The following NTRK1 variants were observed in gnomAD, a reference collection of about 807,000 sequenced individuals.
NTRK1 encodes high affinity nerve growth factor receptor.
Under a neutral mutation model 86.8 loss-of-function variants are expected in NTRK1, and 62 were observed. The ratio of observed to expected loss-of-function variants is 0.71; its 90% CI spans 0.58 to 0.88. NTRK1 has a LOEUF of 0.88. NTRK1 is among the 40% of genes least tolerant of loss of function. The pLI is 0.00. For missense variants in NTRK1, 967 were observed against 1,078.4 expected (o/e 0.90, Z 1.45); for synonymous variants, 469 against 456.6 (o/e 1.03, Z -0.35).
At position 156,853,831 on chromosome 1, in the gene NTRK1, A is replaced by C. The variant is rs747534614; in HGVS notation, c.51-10523A>C. The C allele has an allele frequency of 4.3e-6, 7 of 1,613,812 alleles. No homozygotes were observed. In the South Asian group the frequency reaches 7.7e-5, roughly 18 times the overall value. On this transcript the variant is annotated intron_variant, in intron 2 of 16. Transcript: ENST00000392302. ...TGGTCTTGGCACAGGGCTCACCAGC[A>C]GCACCCAGCACACCAGGGCACACGT...
intron 1 of NTRK1, chr1:156,837,856 C>T (rs565576294): frequency 6.6e-6 from 1 of 152,336 alleles, no homozygotes; most frequent in East Asian, 1.9e-4. Flanking sequence ...GGTTGGACAT[C>T]TAAGACCTGG....
chr1:156,867,111 T>C, intron 4 of NTRK1, 133 bp downstream of exon 4: 2 of 925,032 alleles, frequency 2.2e-6, no homozygotes, highest in Non-Finnish European at 3.5e-6. Context: ...ACTATGTGCA[T>C]GCCAGTGAAA....
chr1:156,819,121 A>G (rs887355984), intron 1 of NTRK1, among the ~76,000 whole-genome samples: 1 of 151,578 alleles, frequency 6.6e-6, no homozygotes, highest in Non-Finnish European at 1.5e-5. Flanking sequence ...TCCTGCCTCA[A>G]CCTCCCTTGT....
In NTRK1 at chr1:156,876,494, T is replaced by TCGG; in HGVS notation, c.1730_1732dup (p.Gly577dup). ...CAGCACCAGCACATCGTGCGCTTCTTCGGCGTCTGCACCGAGGGCCGCCCC... is the reference window on the plus strand; with the variant it reads ...CAGCACCAGCACATCGTGCGCTTCTTCGGCGGCGTCTGCACCGAGGGCCGCCCC... On this transcript the variant is annotated inframe_insertion, in exon 14 of 17. Coordinates refer to ENST00000524377, the MANE Select transcript of NTRK1 (RefSeq NM_002529.4). 1 of 1,613,756 alleles carries TCGG rather than the reference T, an allele frequency of 6.2e-7. No homozygotes were observed. The highest frequency in any genetic ancestry group is 8.5e-7 in the Non-Finnish European group (1 of 1,180,008).
intron 2 of NTRK1, chr1:156,843,493 T>G (rs1248423853): frequency 1.2e-6 from 2 of 1,613,592 alleles, no homozygotes; most frequent in South Asian, 2.2e-5. Flanking sequence ...CAACGGGAGG[T>G]GAGGGGGTCA....
At chr1:156,881,254 G>A (rs41401248) in intron 16 of NTRK1, among the ~76,000 whole-genome samples, 1 of 152,184 alleles carries the variant, frequency 6.6e-6, no homozygotes, top group East Asian at 1.9e-4. Context: ...TCCCATAGTC[G>A]AGCCTTAATC....
At chr1:156,843,623 C>A (rs958566206) in intron 2 of NTRK1, 29 of 823,830 alleles carry the variant, frequency 3.5e-5, no homozygotes, top group Non-Finnish European at 6.0e-5. Context: ...CCTGGGGATC[C>A]CTAAGTACCC....
At chr1:156,828,163 T>G (rs1368736230) in intron 1 of NTRK1, among the ~76,000 whole-genome samples, 1 of 152,188 alleles carries the variant, frequency 6.6e-6, no homozygotes, top group Non-Finnish European at 1.5e-5. Context: ...AATTGTAATA[T>G]TATTACTGAT....
chr1:156,838,280 AGACC>A (rs1654648613), intron 1 of NTRK1, among the ~76,000 whole-genome samples: 1 of 152,010 alleles, frequency 6.6e-6, no homozygotes, highest in Non-Finnish European at 1.5e-5. Context: ...CTCGGGTGGA[AGACC>A]TGCCACAAGG....
chr1:156,829,842 G>A (rs1007872920), intron 1 of NTRK1, among the ~76,000 whole-genome samples: 2 of 152,078 alleles, frequency 1.3e-5, no homozygotes, highest in African/African-American at 4.8e-5. Context: ...AGTAGAGATG[G>A]GGGTTTCACC....
chr1:156,815,839 G>A lies in NTRK1; in HGVS notation c.-64+1G>A. 2 of 1,613,428 alleles carry A rather than the reference G, an allele frequency of 1.2e-6. No homozygotes were observed. The highest frequency in any genetic ancestry group is 8.5e-7 in the Non-Finnish European group (1 of 1,179,430). Reference sequence around the variant, plus strand: ...GTGGGCAACTCGGCGCATGAAGGAGGTACTCCTCATTTTCGTTCTCTCTCT... The same window carrying A: ...GTGGGCAACTCGGCGCATGAAGGAGATACTCCTCATTTTCGTTCTCTCTCT... On this transcript the variant is annotated splice_donor_variant, in intron 1 of 16. Transcript: ENST00000392302. LOFTEE classifies it low-confidence loss of function (5UTR_SPLICE).
At chr1:156,857,965 G>C (rs1261835360), upstream of NTRK1, among the ~76,000 whole-genome samples, 2 of 152,204 alleles carry the variant, frequency 1.3e-5, no homozygotes, top group Admixed American at 6.5e-5. Context: ...ATCTAGCCTG[G>C]GGGACAGGCC....
chr1:156,863,797 C>A (rs1169432750), intron 1 of NTRK1, among the ~76,000 whole-genome samples: 1 of 152,144 alleles, frequency 6.6e-6, no homozygotes, highest in Non-Finnish European at 1.5e-5. Flanking sequence ...GGGGCAGTGG[C>A]AGGGATAAGC....
intron 1 of NTRK1, among the ~76,000 whole-genome samples, chr1:156,836,693 CG>C (rs1048248898): frequency 6.6e-6 from 1 of 152,070 alleles, no homozygotes; most frequent in Admixed American, 6.5e-5. Context: ...CCTGCTAAGT[CG>C]GGGAGGCCAA....
At chr1:156,864,227 A>G in intron 1 of NTRK1, 127 bp from the exon 2 acceptor site, 1 of 827,228 alleles carries the variant, frequency 1.2e-6, no homozygotes, top group Non-Finnish European at 2.1e-6. Flanking sequence ...GTGTGTATGC[A>G]GGTCTGAACA....
intron 6 of NTRK1, 118 bp downstream of exon 6, chr1:156,868,765 T>C: frequency 2.1e-6 from 3 of 1,443,570 alleles, no homozygotes; most frequent in Non-Finnish European, 2.8e-6. Flanking sequence ...CACACTGAGG[T>C]TGAGGGACGG....
intron 2 of NTRK1, chr1:156,843,513 G>A: frequency 6.2e-7 from 1 of 1,607,330 alleles, no homozygotes; most frequent in Non-Finnish European, 8.5e-7. Flanking sequence ...AGGCTGGAAG[G>A]GTTCTCAGGA....
At chr1:156,821,464 T>TGG (rs1001457426) in intron 1 of NTRK1, among the ~76,000 whole-genome samples, 7 of 150,508 alleles carry the variant, frequency 4.7e-5, no homozygotes, top group African/African-American at 1.7e-4. Flanking sequence ...TGTGTGTGTG[T>TGG]GTGTGTGTGT....
intron 2 of NTRK1, chr1:156,851,648 C>T: frequency 2.5e-6 from 4 of 1,614,140 alleles, no homozygotes; most frequent in Non-Finnish European, 3.4e-6. Context: ...GTACTGACAG[C>T]CCTGGCGAAG....
Sources: allele counts gnomAD v4.1 joint callset (sites outside exome capture counted in the v4.1 genomes callset), GRCh38; gene constraint gnomAD v4.1.1; transcripts MANE v1.5; gene names NCBI Gene and HGNC (gene_info 2026-07-23, HGNC 2026-07-21).